IDE: variants seen among roughly 807,000 people sequenced by gnomAD.
The protein encoded by IDE is insulin-degrading enzyme.
In IDE, 58 loss-of-function variants were observed where a neutral mutation model predicts 133.2. The ratio of observed to expected loss-of-function variants is 0.44; its 90% CI spans 0.35 to 0.54. The LOEUF is 0.54. Among genes scored for constraint, IDE ranks in the 20% least tolerant of loss-of-function variants. The pLI, the probability that IDE is intolerant of heterozygous loss-of-function variation, is 0.00. For missense variants in IDE, 981 were observed against 1,234.0 expected (o/e 0.79, Z 3.07); for synonymous variants, 396 against 421.3 (o/e 0.94, Z 0.73).
In IDE at chr10:92,463,634, C is replaced by T. The variant is rs185243426; in HGVS notation, c.2761+97G>A. 906 of 1,127,296 alleles carry T rather than the reference C, an allele frequency of 8.0e-4. 4 individuals are homozygous for T. In the African/African-American group the frequency reaches 0.012, roughly 15 times the overall value. 69.8% of individuals were successfully genotyped at this position (1,127,296 alleles called of 1,614,324 possible). On this transcript the variant is annotated intron_variant, in intron 21 of 24. Coordinates refer to ENST00000265986, the MANE Select transcript of IDE (RefSeq NM_004969.4). ...CCACCCCAACTCCCCAAATAGGTAA[C>T]GGAATATCACCTACAAAATGAATAC...
At chr10:92,472,085 G>A (rs1215930842) in intron 17 of IDE, among the ~76,000 whole-genome samples, 1 of 152,090 alleles carries the variant, frequency 6.6e-6, no homozygotes, top group East Asian at 1.9e-4. Flanking sequence ...TCCAAATTAA[G>A]CCATTCTGGC....
In IDE at chr10:92,453,393, C is replaced by T. The variant is rs1844838882; in HGVS notation, c.*1051G>A. ...ATTTAAGGCAAGATTAGACTGGTAG[C>T]AACAAGGGATTTTAGAGTTTTATGA... On this transcript the variant is annotated 3_prime_UTR_variant, in exon 25 of 25. Coordinates refer to ENST00000265986, the MANE Select transcript of IDE (RefSeq NM_004969.4). 6.6e-6 allele frequency: 1 copy of T among 152,136 alleles called. No homozygotes were observed. The highest frequency in any genetic ancestry group is 2.1e-4 in the South Asian group (1 of 4,834). The allele number at this position is 152,136 out of a possible 1,614,324, so 9.4% of individuals were successfully genotyped here. A position where few individuals can be genotyped will look rare whatever the true frequency, so the allele number is the denominator to read the frequency against.
intron 19 of IDE, among the ~76,000 whole-genome samples, chr10:92,467,361 C>A (rs747283013): frequency 2.6e-5 from 4 of 152,180 alleles, no homozygotes; most frequent in Non-Finnish European, 5.9e-5. Flanking sequence ...GAATGAGCCA[C>A]CACCCAGGCC....
intron 4 of IDE, among the ~76,000 whole-genome samples, chr10:92,529,270 C>G (rs373635346): frequency 1.5e-4 from 23 of 152,278 alleles, no homozygotes; most frequent in African/African-American, 5.3e-4. Flanking sequence ...ATACAACTGT[C>G]ATCAAATTTT....
chr10:92,475,120 C>T (rs1323448370), intron 16 of IDE, among the ~76,000 whole-genome samples, 159 bp from the exon 17 acceptor site: 2 of 152,156 alleles, frequency 1.3e-5, no homozygotes, highest in Non-Finnish European at 2.9e-5. Flanking sequence ...GGGGTTTATT[C>T]CTCTCCGATC....
intron 14 of IDE, among the ~76,000 whole-genome samples, chr10:92,482,981 C>T (rs1254600095): frequency 6.6e-6 from 1 of 151,972 alleles, no homozygotes; most frequent in Non-Finnish European, 1.5e-5. Flanking sequence ...GGGGTTTCAC[C>T]GTGTTAGCCA....
intron 15 of IDE, among the ~76,000 whole-genome samples, chr10:92,476,906 G>T (rs986533783): frequency 6.6e-6 from 1 of 152,142 alleles, no homozygotes; most frequent in East Asian, 1.9e-4. Flanking sequence ...AGCTGAGATG[G>T]AAGGCTTGCT....
intron 4 of IDE, among the ~76,000 whole-genome samples, chr10:92,517,645 A>G (rs1848999074): frequency 1.3e-5 from 2 of 152,226 alleles, no homozygotes; most frequent in South Asian, 4.1e-4. Context: ...CAGGTTCTTA[A>G]TTAGTTCTCT....
chr10:92,474,815 ATTAAGCT>A lies in IDE; in HGVS notation c.2116+19_2116+25del, dbSNP rs781767397. 6.9e-6 allele frequency: 11 copies of A among 1,588,808 alleles called. No homozygotes were observed. The highest frequency in any genetic ancestry group is 5.8e-5 in the South Asian group (5 of 86,554). On this transcript the variant is annotated intron_variant, in intron 17 of 24. Coordinates refer to ENST00000265986, the MANE Select transcript of IDE (RefSeq NM_004969.4). Reference sequence around the variant, plus strand: ...AATTTAGGAAAAAAATGAAGAAAGCATTAAGCTTTAAGTAGAAAGTCTCACCATCCAG... The same window carrying A: ...AATTTAGGAAAAAAATGAAGAAAGCATTAAGTAGAAAGTCTCACCATCCAG...
At chr10:92,538,833 A>G (rs1241877235) in intron 1 of IDE, among the ~76,000 whole-genome samples, 3 of 152,046 alleles carry the variant, frequency 2.0e-5, no homozygotes, top group Admixed American at 1.3e-4. Context: ...TACTGCCAGT[A>G]TATAATTAAG....
chr10:92,486,801 C>T (rs1847026503), intron 13 of IDE, among the ~76,000 whole-genome samples: 2 of 152,142 alleles, frequency 1.3e-5, no homozygotes, highest in South Asian at 2.1e-4. Context: ...CCAACAGCTC[C>T]CCCTGGACTT....
intron 17 of IDE, among the ~76,000 whole-genome samples, chr10:92,472,527 A>C (rs946428810): frequency 1.3e-5 from 2 of 152,246 alleles, no homozygotes; most frequent in East Asian, 1.9e-4. Flanking sequence ...GGCAATCAAC[A>C]AAATAATGAC....
intron 22 of IDE, among the ~76,000 whole-genome samples, chr10:92,458,651 A>ACCCG: frequency 6.6e-6 from 1 of 150,698 alleles, no homozygotes; most frequent in South Asian, 2.1e-4. Context: ...ACAGGCGTGC[A>ACCCG]CCACCACGCC....
chr10:92,567,847 T>C (rs188330587), intron 1 of IDE, among the ~76,000 whole-genome samples: 135 of 152,234 alleles, frequency 8.9e-4, no homozygotes, highest in Admixed American at 4.6e-3. Context: ...GTGGCACAAG[T>C]CTGTAGTCCT....
chr10:92,489,162 A>T (rs953355005), intron 12 of IDE, among the ~76,000 whole-genome samples: 3 of 152,140 alleles, frequency 2.0e-5, no homozygotes, highest in Non-Finnish European at 2.9e-5. Context: ...CATATTTCTT[A>T]AGTGGTATCT....
At chr10:92,533,454 TATA>T (rs1392331180) in intron 3 of IDE, among the ~76,000 whole-genome samples, 1 of 152,144 alleles carries the variant, frequency 6.6e-6, no homozygotes, top group Non-Finnish European at 1.5e-5. Context: ...TTTTCAATAA[TATA>T]ATAACTATTA....
At chr10:92,462,313 C>T (rs1174457038) in intron 21 of IDE, among the ~76,000 whole-genome samples, 1 of 114,448 alleles carries the variant, frequency 8.7e-6, no homozygotes, top group Non-Finnish European at 1.7e-5. Flanking sequence ...GCAAAACTGT[C>T]TCATAAAAAA....
At chr10:92,562,336 T>C (rs752984270) in intron 1 of IDE, among the ~76,000 whole-genome samples, 11 of 152,212 alleles carry the variant, frequency 7.2e-5, no homozygotes, top group Non-Finnish European at 1.6e-4. Flanking sequence ...TATGCACCTG[T>C]AGAAGGCAAC....
At chr10:92,551,336 AAGGC>A (rs1385410911) in intron 1 of IDE, among the ~76,000 whole-genome samples, 1 of 152,114 alleles carries the variant, frequency 6.6e-6, no homozygotes, top group Non-Finnish European at 1.5e-5. Context: ...TTGGGAGGCT[AAGGC>A]AGGTGGATCA....
Sources: gnomAD v4.1 joint callset for allele counts (sites outside exome capture counted in the v4.1 genomes callset) on GRCh38, gnomAD v4.1.1 for gene constraint, MANE v1.5 for transcripts, NCBI Gene and HGNC (gene_info 2026-07-23, HGNC 2026-07-21) for gene names.